TMEM171: variants seen among roughly 807,000 people sequenced by gnomAD.
The protein encoded by TMEM171 is transmembrane protein 171.
In TMEM171, 16 loss-of-function variants were observed where a neutral mutation model predicts 19.1. The observed-to-expected ratio is 0.84, with a 90% CI of 0.57 to 1.27. The LOEUF (loss-of-function observed/expected upper bound fraction) is 1.27, where lower values mean the gene tolerates loss of function less well. Among genes scored for constraint, TMEM171 ranks in the 50% most tolerant of loss-of-function variants. The pLI is 0.00. For missense variants in TMEM171, 429 were observed against 412.7 expected (o/e 1.04, Z -0.34); for synonymous variants, 153 against 163.4 (o/e 0.94, Z 0.48).
intron 2 of TMEM171, 93 bp from the exon 3 acceptor site, chr5:73,128,297 A>G: frequency 2.7e-6 from 4 of 1,490,510 alleles, no homozygotes; most frequent in South Asian, 1.2e-5. Flanking sequence ...GACCTTTTAT[A>G]TAGATGGGCC....
rs756390663 is a variant in TMEM171, at chr5:73,123,785, TC to T, written c.414del (p.Asn139ThrfsTer7). On this transcript the variant is annotated frameshift_variant, in exon 2 of 4. Coordinates refer to ENST00000454765, the MANE Select transcript of TMEM171 (RefSeq NM_173490.8). LOFTEE classifies it high-confidence loss of function. Reference protein sequence around the residue: ...VLGIWVPGCGSNWAQEPLNET... With the variant: ...VLGIWVPGCGXNWAQEPLNET... ...GGGCATTTGGGTCCCTGGATGTGGC[TC>T]CAACTGGGCGCAGGAACCGCTAAAC... 2.5e-5 allele frequency: 41 copies of T among 1,613,098 alleles called. No homozygotes were observed. The highest frequency in any genetic ancestry group is 1.2e-4 in the South Asian group (11 of 91,004).
Position 73,123,469 on chromosome 5 carries a change from G to C in TMEM171, c.96G>C (p.Leu32Phe). The change falls in exon 2 of 4, where the codon TTG becomes TTC. Residue 32 changes from leucine to phenylalanine, a missense_variant. Leu to Phe is a conservative substitution (Grantham distance 22). Coordinates refer to ENST00000454765, the MANE Select transcript of TMEM171 (RefSeq NM_173490.8). ...GCTTCTTTGTCTTCGGCGCCGTCTT[G>C]TTGTGTGTGGGAGTCCTGCTCTCCA... ...IFCFFVFGAV[L>F]LCVGVLLSIF... 1 of 1,613,308 alleles carries C rather than the reference G, an allele frequency of 6.2e-7. No individual in the cohort carries two copies. Among genetic ancestry groups the C allele is most frequent in the Non-Finnish European group, 8.5e-7 (1 of 1,179,182 alleles).
intron 3 of TMEM171, among the ~76,000 whole-genome samples, chr5:73,129,535 C>T (rs1744275976): frequency 6.6e-6 from 1 of 152,142 alleles, no homozygotes; most frequent in South Asian, 2.1e-4. Flanking sequence ...CAGCGTGAAA[C>T]GGCCGTAGAT....
Position 73,123,773 on chromosome 5 carries a change from C to G in TMEM171, c.400C>G (p.Pro134Ala), listed in dbSNP as rs1055665273. ...CATCAGCGTCCTGGGCATTTGGGTC[C>G]CTGGATGTGGCTCCAACTGGGCGCA... ...MLISVLGIWV[P>A]GCGSNWAQEP... The change falls in exon 2 of 4, where the codon CCT (proline) becomes GCT (alanine). Residue 134 changes from proline to alanine, a missense_variant. Coordinates refer to ENST00000454765, the MANE Select transcript of TMEM171 (RefSeq NM_173490.8). The G allele has an allele frequency of 2.5e-6, 4 of 1,613,384 alleles. No homozygotes were observed. The African/African-American group carries it at 5.3e-5, about 22-fold the overall frequency.
chr5:73,129,015 C>G (rs555553634), intron 3 of TMEM171, among the ~76,000 whole-genome samples: 24 of 152,182 alleles, frequency 1.6e-4, no homozygotes, highest in Non-Finnish European at 4.4e-5. Flanking sequence ...ATCGATTGAA[C>G]GCAAGAGACA....
intron 1 of TMEM171, 101 bp downstream of exon 1, chr5:73,120,797 C>T: frequency 1.0e-6 from 1 of 962,234 alleles, no homozygotes; most frequent in Non-Finnish European, 1.2e-6. Context: ...CGCGGAGGCG[C>T]TGGGTATCCG....
intron 1 of TMEM171, 88 bp from the exon 2 acceptor site, chr5:73,123,218 G>A (rs1744051105): frequency 1.7e-6 from 2 of 1,191,448 alleles, no homozygotes; most frequent in African/African-American, 3.1e-5. Context: ...CCTCATTGTG[G>A]TGTGATTTCA....
intron 2 of TMEM171, among the ~76,000 whole-genome samples, chr5:73,125,153 G>A (rs1408463501): frequency 6.6e-6 from 1 of 152,176 alleles, no homozygotes; most frequent in African/African-American, 2.4e-5. Context: ...TGTAGAGCCA[G>A]GGTAGATGCT....
At chr5:73,124,816 G>A (rs183454818) in intron 2 of TMEM171, among the ~76,000 whole-genome samples, 3 of 152,330 alleles carry the variant, frequency 2.0e-5, no homozygotes, top group African/African-American at 7.2e-5. Flanking sequence ...AACAATAGCA[G>A]TAGCGTTGGC....
rs1744074737 is a variant in TMEM171 at position 73,123,742 on chromosome 5, C to T, written c.369C>T (p.Gly123=). The change falls in exon 2 of 4, where the codon GGC becomes GGT. Residue 123 remains glycine (G), a synonymous_variant. Coordinates refer to ENST00000454765, the MANE Select transcript of TMEM171 (RefSeq NM_173490.8). The part of the protein sequence containing the change: ...LIFGFLFLTS[G]MLISVLGIWV... ...TTGGGTTTCTGTTCTTGACAAGCGG[C>T]ATGCTCATCAGCGTCCTGGGCATTT... The T allele has an allele frequency of 6.2e-7, 1 of 1,614,060 alleles. No homozygotes were observed. Among genetic ancestry groups the T allele is most frequent in the Non-Finnish European group, 8.5e-7 (1 of 1,180,032 alleles).
rs765403563 is a variant in TMEM171, at chr5:73,128,466, T to G, written c.717T>G (p.Ser239Arg). ...PESSASAVAE[S>R]PGTNSLLPNE... is the part of the protein sequence containing the mutation. Reference sequence around the variant, plus strand: ...CTTCAGCTTCTGCGGTCGCTGAGAGTCCTGGAACTAACAGTCTGCTTCCGA... The same window carrying G: ...CTTCAGCTTCTGCGGTCGCTGAGAGGCCTGGAACTAACAGTCTGCTTCCGA... Residue 239 changes from serine to arginine, a missense_variant, in exon 3 of 4, where the codon AGT becomes AGG. Coordinates refer to ENST00000454765, the MANE Select transcript of TMEM171 (RefSeq NM_173490.8). The G allele has an allele frequency of 6.2e-7, 1 of 1,613,930 alleles. No homozygotes were observed. Among genetic ancestry groups the G allele is most frequent in the Admixed American group, 1.7e-5 (1 of 59,996 alleles).
In TMEM171 at chr5:73,127,374, A is replaced by G. The variant is rs1357652746; in HGVS notation, c.641-1016A>G. ...TACTTTTAAAAAATTTGTGGTAAAA[A>G]AAAAAAAAAAATATATATATATATA... is the stretch of plus-strand genomic sequence containing the variant. On this transcript the variant is annotated intron_variant, in intron 2 of 3. Transcript: ENST00000454765. Among the ~76,000 whole-genome samples, 58 of 61,480 alleles carry G rather than the reference A, an allele frequency of 9.4e-4. 1 individual carries two copies. Among genetic ancestry groups the G allele is most frequent in the African/African-American group, 5.1e-3 (53 of 10,454 alleles). The allele number at this position is 61,480 out of a possible 152,430, so 40.3% of individuals were successfully genotyped here.
intron 3 of TMEM171, among the ~76,000 whole-genome samples, chr5:73,129,335 G>C (rs1174567226): frequency 6.6e-6 from 1 of 152,164 alleles, no homozygotes; most frequent in Non-Finnish European, 1.5e-5. Context: ...GCCAATCAGA[G>C]GCTGAAGTGA....
At chr5:73,127,993 C>T (rs1236759748) in intron 2 of TMEM171, among the ~76,000 whole-genome samples, 2 of 152,186 alleles carry the variant, frequency 1.3e-5, no homozygotes, top group East Asian at 1.9e-4. Flanking sequence ...GATCCTTCCT[C>T]CTCAGCTTCC....
intron 3 of TMEM171, among the ~76,000 whole-genome samples, chr5:73,128,789 A>C (rs1744257303): frequency 6.6e-6 from 1 of 152,134 alleles, no homozygotes; most frequent in African/African-American, 2.4e-5. Context: ...CAGGGGTGAT[A>C]CTCAGAATGT....
At position 73,128,666 on chromosome 5, in the gene TMEM171, T is replaced by C. The variant is rs1744252144; in HGVS notation, c.782+135T>C. On this transcript the variant is annotated intron_variant, in intron 3 of 3. Coordinates refer to ENST00000454765, the MANE Select transcript of TMEM171 (RefSeq NM_173490.8). ...TGTTATGTCAGAATTAGTGTCTTGATATTAACAGTACCTTTGCCGAAATTT... is the reference window on the plus strand; with the variant it reads ...TGTTATGTCAGAATTAGTGTCTTGACATTAACAGTACCTTTGCCGAAATTT... The C allele has an allele frequency of 4.3e-6, 5 of 1,153,884 alleles. No homozygotes were observed. In the East Asian group the frequency reaches 7.5e-5, roughly 17 times the overall value. 71.5% of individuals were successfully genotyped at this position (1,153,884 alleles called of 1,614,324 possible). A position where few individuals can be genotyped will look rare whatever the true frequency, so the allele number is the denominator to read the frequency against.
intron 1 of TMEM171, among the ~76,000 whole-genome samples, chr5:73,123,024 C>T (rs1744046162): frequency 6.6e-6 from 1 of 152,174 alleles, no homozygotes; most frequent in South Asian, 2.1e-4. Flanking sequence ...AAATGCCACA[C>T]CCAGCTACTT....
chr5:73,121,392 T>G (rs764872527), intron 1 of TMEM171, among the ~76,000 whole-genome samples: 1 of 152,094 alleles, frequency 6.6e-6, no homozygotes, highest in Non-Finnish European at 1.5e-5. Flanking sequence ...GGAAAAAAAT[T>G]AAAACAACAA....
chr5:73,131,581 G>A lies in TMEM171; in HGVS notation c.826G>A (p.Glu276Lys), dbSNP rs752439713. The change falls in exon 4 of 4, where the codon GAA becomes AAA. Residue 276 changes from glutamate to lysine, a missense_variant. Glu to Lys is a moderately conservative substitution (Grantham distance 56, BLOSUM62 1). Transcript: ENST00000454765. The stretch of plus-strand genomic sequence containing the variant: ...GGGTGCAGCCTCTGAAAGAGACTGT[G>A]AATCTATATATACCATTTCTGGGAC... ...SEGAASERDC[E>K]SIYTISGTNS... The A allele has an allele frequency of 6.2e-7, 1 of 1,611,924 alleles. No homozygotes were observed. The highest frequency in any genetic ancestry group is 8.5e-7 in the Non-Finnish European group (1 of 1,179,208).
Sources: allele counts gnomAD v4.1 joint callset (sites outside exome capture counted in the v4.1 genomes callset), GRCh38; gene constraint gnomAD v4.1.1; transcripts MANE v1.5; gene names NCBI Gene and HGNC (gene_info 2026-07-23, HGNC 2026-07-21).